Variants in ADGRB3 observed in about 807,000 individuals in gnomAD.
ADGRB3 encodes brain-specific angiogenesis inhibitor 3.
In ADGRB3, 37 loss-of-function variants were observed where a neutral mutation model predicts 193.4. The ratio of observed to expected loss-of-function variants is 0.19; its 90% confidence interval spans 0.15 to 0.25. The LOEUF (loss-of-function observed/expected upper bound fraction) is 0.25. Among genes scored for constraint, ADGRB3 ranks in the 10% least tolerant of loss-of-function variants. The pLI is 1.00. For synonymous variants in ADGRB3, 690 were observed against 644.2 expected, an observed-to-expected ratio of 1.07 and a Z score of -1.08; for missense variants, 1,637 against 1,852.9, an observed-to-expected ratio of 0.88 and a Z score of 2.14.
chr6:68,960,966 A>G (rs1475089547), intron 8 of ADGRB3, among the ~76,000 whole-genome samples: 2 of 152,222 alleles, frequency 1.3e-5, no homozygotes, highest in Non-Finnish European at 2.9e-5. Flanking sequence ...GAAGTGGAAT[A>G]CAGTCCTCTA....
intron 17 of ADGRB3, among the ~76,000 whole-genome samples, chr6:69,103,992 G>A (rs575407519): frequency 6.6e-6 from 1 of 151,868 alleles, no homozygotes; most frequent in African/African-American, 2.4e-5. Context: ...TCTGAAGTTG[G>A]AATTTTTGTT....
intron 17 of ADGRB3, among the ~76,000 whole-genome samples, chr6:69,209,441 A>G (rs1473997568): frequency 6.6e-6 from 1 of 152,188 alleles, no homozygotes; most frequent in Non-Finnish European, 1.5e-5. Context: ...AATTTTAGTC[A>G]TATTTATTTC....
At chr6:69,360,693 G>A (rs1482095538) in intron 28 of ADGRB3, among the ~76,000 whole-genome samples, 176 bp from the exon 29 acceptor site, 1 of 151,874 alleles carries the variant, frequency 6.6e-6, no homozygotes, top group Non-Finnish European at 1.5e-5. Flanking sequence ...AATGAAAAGT[G>A]ATTGAGTAAT....
chr6:69,086,235 A>G (rs1772546641), intron 17 of ADGRB3, among the ~76,000 whole-genome samples: 1 of 152,152 alleles, frequency 6.6e-6, no homozygotes, highest in African/African-American at 2.4e-5. Context: ...TAGTATCTTC[A>G]ATATAATAAT....
chr6:69,055,051 C>A (rs904365875), intron 15 of ADGRB3, among the ~76,000 whole-genome samples: 3 of 152,100 alleles, frequency 2.0e-5, no homozygotes, highest in Non-Finnish European at 4.4e-5. Flanking sequence ...CCCATAACAT[C>A]TTTTTGTTGT....
chr6:68,741,205 A>G (rs1163532784), intron 3 of ADGRB3, among the ~76,000 whole-genome samples: 2 of 152,154 alleles, frequency 1.3e-5, no homozygotes, highest in African/African-American at 4.8e-5. Flanking sequence ...ATTTGTTAAC[A>G]CATTTAATTC....
chr6:68,807,050 T>C (rs1337827469), intron 3 of ADGRB3, among the ~76,000 whole-genome samples: 5 of 152,236 alleles, frequency 3.3e-5, no homozygotes, highest in Non-Finnish European at 7.4e-5. Context: ...AACTTAACTT[T>C]TAAAAATATT....
rs985982314 is a variant in ADGRB3, at chr6:69,014,375, CT to C, written c.1998+279del. ...AATTATATACCTAACCAATAAGTTC[CT>C]TTTTTTTTTCTGTAGACCATGGGAA... On this transcript the variant is annotated intron_variant, in intron 12 of 31. Coordinates refer to ENST00000370598, the MANE Select transcript of ADGRB3 (RefSeq NM_001704.3). Among the ~76,000 whole-genome samples, 46 of 147,714 alleles carry C rather than the reference CT, an allele frequency of 3.1e-4. No homozygotes were observed. The East Asian group carries it at 3.8e-3, about 12-fold the overall frequency.
chr6:69,235,814 C>CTAAGAA (rs1241166875), intron 19 of ADGRB3, among the ~76,000 whole-genome samples: 1 of 151,838 alleles, frequency 6.6e-6, no homozygotes, highest in African/African-American at 2.4e-5. Flanking sequence ...GATTGTGTTA[C>CTAAGAA]TAAGAATTAG....
At chr6:69,214,515 G>T (rs200596877) in intron 17 of ADGRB3, among the ~76,000 whole-genome samples, 2 of 152,058 alleles carry the variant, frequency 1.3e-5, no homozygotes, top group East Asian at 3.9e-4. Flanking sequence ...TTCTGGCAAA[G>T]ATCAACCAAG....
chr6:69,378,520 G>A (rs1769877411), intron 30 of ADGRB3, among the ~76,000 whole-genome samples: 1 of 152,036 alleles, frequency 6.6e-6, no homozygotes, highest in African/African-American at 2.4e-5. Flanking sequence ...CAGGGTTATT[G>A]TGAGGATTAA....
chr6:68,786,108 G>T (rs1378590256), intron 3 of ADGRB3, among the ~76,000 whole-genome samples: 2 of 151,854 alleles, frequency 1.3e-5, no homozygotes, highest in Non-Finnish European at 2.9e-5. Context: ...TAGGTTGCCT[G>T]TTCACTCTAA....
chr6:68,839,199 A>G (rs1182136459), intron 3 of ADGRB3, among the ~76,000 whole-genome samples: 1 of 152,102 alleles, frequency 6.6e-6, no homozygotes, highest in Non-Finnish European at 1.5e-5. Context: ...CTGCTATAGA[A>G]ATGCAGATAT....
At chr6:68,818,602 A>T (rs578217666) in intron 3 of ADGRB3, among the ~76,000 whole-genome samples, 1 of 152,218 alleles carries the variant, frequency 6.6e-6, no homozygotes, top group African/African-American at 2.4e-5. Flanking sequence ...TACTAGCAAT[A>T]TAATCTTGTG....
chr6:68,807,340 G>A (rs564861337), intron 3 of ADGRB3, among the ~76,000 whole-genome samples: 2 of 143,484 alleles, frequency 1.4e-5, no homozygotes, highest in African/African-American at 5.1e-5. Context: ...CGGGGTTCAC[G>A]CCATTCTCCT....
intron 20 of ADGRB3, among the ~76,000 whole-genome samples, chr6:69,286,504 G>C (rs944331901): frequency 3.9e-5 from 6 of 152,152 alleles, no homozygotes; most frequent in African/African-American, 1.4e-4. Flanking sequence ...CTGTGTGCCA[G>C]ACATTGCAGG....
chr6:69,101,143 C>G (rs570336199), intron 17 of ADGRB3, among the ~76,000 whole-genome samples: 1 of 152,006 alleles, frequency 6.6e-6, no homozygotes, highest in Admixed American at 6.6e-5. Flanking sequence ...TTAGTGGTTT[C>G]TGTGATGTCT....
chr6:68,740,479 G>GA (rs1765957541), intron 3 of ADGRB3, among the ~76,000 whole-genome samples: 1 of 152,120 alleles, frequency 6.6e-6, no homozygotes, highest in East Asian at 1.9e-4. Context: ...GCATCTTTAA[G>GA]AAAAAAACAT....
intron 17 of ADGRB3, among the ~76,000 whole-genome samples, chr6:69,200,989 A>G (rs1765407414): frequency 6.6e-6 from 1 of 152,152 alleles, no homozygotes; most frequent in Non-Finnish European, 1.5e-5. Context: ...GCAACATAAG[A>G]TGACAGAAAT....
Sources: allele counts gnomAD v4.1 joint callset (sites outside exome capture counted in the v4.1 genomes callset), GRCh38; gene constraint gnomAD v4.1.1; transcripts MANE v1.5; gene names NCBI Gene and HGNC (gene_info 2026-07-23, HGNC 2026-07-21).